SNTG2: variants seen among roughly 807,000 people sequenced by gnomAD.
The protein encoded by SNTG2 is syntrophin gamma 2.
A neutral mutation model predicts 70.9 loss-of-function variants in SNTG2; 74 were observed. That is an observed-to-expected ratio of 1.04 (90% CI 0.86 to 1.27). SNTG2 has a LOEUF of 1.27. Among genes scored for constraint, SNTG2 ranks in the 50% most tolerant of loss-of-function variants. SNTG2 has a pLI of 0.00. For missense variants in SNTG2, 717 were observed against 690.7 expected (o/e 1.04, Z -0.43); for synonymous variants, 278 against 273.8 (o/e 1.02, Z -0.15).
At chr2:1,184,298 C>T (rs796282115) in intron 8 of SNTG2, among the ~76,000 whole-genome samples, 48 of 152,238 alleles carry the variant, frequency 3.2e-4, no homozygotes, top group African/African-American at 1.0e-3. Flanking sequence ...AATATGGGAA[C>T]ATCAACACAT....
intron 1 of SNTG2, among the ~76,000 whole-genome samples, chr2:1,024,406 G>C (rs2148018330): frequency 6.6e-6 from 1 of 152,284 alleles, no homozygotes; most frequent in Non-Finnish European, 1.5e-5. Context: ...GTCTCCATCT[G>C]TTGCCCAGGC....
chr2:1,027,427 G>A (rs1303323168), intron 1 of SNTG2, among the ~76,000 whole-genome samples: 14 of 130,776 alleles, frequency 1.1e-4, no homozygotes, highest in South Asian at 2.6e-4. Context: ...AAGCAGGTGC[G>A]TCTGACCCAC....
intron 16 of SNTG2, among the ~76,000 whole-genome samples, chr2:1,357,656 T>C (rs188193246): frequency 4.7e-4 from 72 of 152,248 alleles, no homozygotes; most frequent in African/African-American, 1.6e-3. Context: ...CATTTTTCTT[T>C]TGTTGGAATG....
chr2:1,058,053 A>G (rs180966904), intron 1 of SNTG2, among the ~76,000 whole-genome samples: 1 of 152,258 alleles, frequency 6.6e-6, no homozygotes, highest in Non-Finnish European at 1.5e-5. Context: ...AAAAGCTTTA[A>G]AAAATTATAT....
intron 9 of SNTG2, among the ~76,000 whole-genome samples, chr2:1,212,425 C>T (rs1674106767): frequency 6.6e-6 from 1 of 152,174 alleles, no homozygotes; most frequent in African/African-American, 2.4e-5. Context: ...AGCCTCTTTT[C>T]TTTATAAATT....
chr2:1,192,582 G>A (rs1157427614), intron 8 of SNTG2, among the ~76,000 whole-genome samples: 2 of 151,862 alleles, frequency 1.3e-5, no homozygotes. Flanking sequence ...TTAAAGCAAG[G>A]CTCCATCTCA....
At chr2:1,251,832 A>ACACGCACACCC (rs1487608444) in intron 12 of SNTG2, among the ~76,000 whole-genome samples, 1 of 151,890 alleles carries the variant, frequency 6.6e-6, no homozygotes, top group Non-Finnish European at 1.5e-5. Context: ...TGCACACACC[A>ACACGCACACCC]CATGCACACC....
intron 9 of SNTG2, among the ~76,000 whole-genome samples, chr2:1,216,966 T>C (rs950982801): frequency 2.6e-5 from 4 of 152,122 alleles, no homozygotes; most frequent in African/African-American, 7.2e-5. Flanking sequence ...AGGGCCAAGC[T>C]TGCTTCCCCT....
intron 1 of SNTG2, among the ~76,000 whole-genome samples, chr2:1,011,800 TA>T (rs142130789): frequency 0.011 from 1,660 of 152,238 alleles, 35 homozygotes; most frequent in African/African-American, 0.037. Context: ...TATTATCAAC[TA>T]AAAAACACAT....
chr2:1,070,038 G>T lies in SNTG2; in HGVS notation c.73-13480G>T, dbSNP rs138648195. Among the ~76,000 whole-genome samples, 271 of 152,106 alleles carry T rather than the reference G, an allele frequency of 1.8e-3. 2 individuals are homozygous for T. The highest frequency in any genetic ancestry group is 6.4e-3 in the African/African-American group (264 of 41,494). ...CACGTGTTTCTGCAGTGACGTCAGT[G>T]TGCAGGGGGATGGAGCAAAGCCAGT... is the stretch of plus-strand genomic sequence containing the variant. On this transcript the variant is annotated intron_variant, in intron 1 of 16. Transcript: ENST00000308624.
chr2:973,780 TC>T (rs1359120470), intron 1 of SNTG2, among the ~76,000 whole-genome samples: 1 of 152,198 alleles, frequency 6.6e-6, no homozygotes, highest in East Asian at 1.9e-4. Flanking sequence ...CTTTATTCTT[TC>T]CTCCGCTGTG....
intron 16 of SNTG2, among the ~76,000 whole-genome samples, chr2:1,339,943 A>G (rs1660000339): frequency 1.3e-5 from 2 of 152,286 alleles, no homozygotes; most frequent in South Asian, 4.1e-4. Flanking sequence ...AAGGCCTCGC[A>G]CCGTCCGCTC....
At chr2:1,135,832 A>G (rs1362930917) in intron 4 of SNTG2, among the ~76,000 whole-genome samples, 1 of 152,250 alleles carries the variant, frequency 6.6e-6, no homozygotes, top group Non-Finnish European at 1.5e-5. Context: ...CAATGCGTCT[A>G]AATGCACAGA....
chr2:1,054,117 C>T (rs879003832), intron 1 of SNTG2, among the ~76,000 whole-genome samples: 14 of 152,216 alleles, frequency 9.2e-5, no homozygotes, highest in Admixed American at 7.2e-4. Flanking sequence ...TGCTGGGGCA[C>T]TGCGGACCCG....
At chr2:1,286,189 A>G (rs1254563924) in intron 14 of SNTG2, among the ~76,000 whole-genome samples, 1 of 152,070 alleles carries the variant, frequency 6.6e-6, no homozygotes, top group Non-Finnish European at 1.5e-5. Context: ...ATGTCGAGGG[A>G]ACTGGAAACA....
At chr2:1,132,185 A>G (rs151099400) in intron 4 of SNTG2, among the ~76,000 whole-genome samples, 444 of 152,068 alleles carry the variant, frequency 2.9e-3, no homozygotes, top group African/African-American at 0.01. Context: ...GATAATCTCC[A>G]TATATATGTG....
At chr2:990,239 G>A (rs1302028029) in intron 1 of SNTG2, among the ~76,000 whole-genome samples, 2 of 152,218 alleles carry the variant, frequency 1.3e-5, no homozygotes, top group African/African-American at 4.8e-5. Context: ...CCTGGCTCTG[G>A]AGCCGCCTCA....
At chr2:1,325,370 AAAAG>A (rs1379119685) in intron 16 of SNTG2, among the ~76,000 whole-genome samples, 5 of 152,354 alleles carry the variant, frequency 3.3e-5, no homozygotes, top group African/African-American at 9.6e-5. Context: ...TTAAAAGAAA[AAAAG>A]AAAGACTTTT....
At chr2:1,018,967 T>C (rs1405389201) in intron 1 of SNTG2, among the ~76,000 whole-genome samples, 1 of 152,136 alleles carries the variant, frequency 6.6e-6, no homozygotes, top group Non-Finnish European at 1.5e-5. Context: ...CCTGACAGGT[T>C]TCCCACTTGA....
Sources: allele counts gnomAD v4.1 joint callset (sites outside exome capture counted in the v4.1 genomes callset), GRCh38; gene constraint gnomAD v4.1.1; transcripts MANE v1.5; gene names NCBI Gene and HGNC (gene_info 2026-07-23, HGNC 2026-07-21).